The following CPB1 variants were observed in gnomAD, a reference collection of about 807,000 sequenced individuals.
CPB1 encodes the protein carboxypeptidase B.
In CPB1, 53 loss-of-function variants were observed where a neutral mutation model predicts 51.4. That is an observed-to-expected ratio of 1.03 (90% CI 0.83 to 1.30). CPB1 has a LOEUF of 1.30. Ranked by LOEUF, CPB1 falls within the 50% of genes most tolerant of loss-of-function variation. The probability of loss-of-function intolerance (pLI) is 0.00; values close to 1 mark genes in which losing one functional copy is unlikely to be tolerated. For missense variants in CPB1, 494 were observed against 516.2 expected, an observed-to-expected ratio of 0.96 and a Z score of 0.42; for synonymous variants, 189 against 186.9, an observed-to-expected ratio of 1.01 and a Z score of -0.09.
intron 9 of CPB1, chr3:148,855,445 G>A (rs1559962226): frequency 6.6e-6 from 1 of 152,156 alleles, no homozygotes; most frequent in Non-Finnish European, 1.5e-5. Context: ...TTGAGGAAAG[G>A]ACAACTAAAC....
intron 3 of CPB1, chr3:148,838,529 T>C (rs1712978351): frequency 6.6e-6 from 1 of 152,216 alleles, no homozygotes; most frequent in Non-Finnish European, 1.5e-5. Context: ...TGCTTTGTTT[T>C]GGTTTGGTTA....
Position 148,859,977 on chromosome 3 carries a change from G to T in CPB1, c.1229G>T (p.Ser410Ile), listed in dbSNP as rs1184421018. The change falls in exon 11 of 11, where the codon AGC (serine) becomes ATC (isoleucine). Residue 410 changes from serine (S) to isoleucine (I), a missense_variant. Transcript: ENST00000282957. ...TTCCTGGCAATCAAGTATGTTGCCA[G>T]CTACGTCCTGGAACACCTGTACTAG... is the stretch of plus-strand genomic sequence containing the variant. ...ETFLAIKYVA[S>I]YVLEHLY The T allele has an allele frequency of 1.2e-6, 2 of 1,614,068 alleles. No homozygotes were observed. The highest frequency in any genetic ancestry group is 3.3e-5 in the Admixed American group (2 of 60,018).
Position 148,840,899 on chromosome 3 carries a change from C to T in CPB1, c.398C>T (p.Ala133Val). 1 of 1,614,124 alleles carries T rather than the reference C, an allele frequency of 6.2e-7. No homozygotes were observed. The highest frequency in any genetic ancestry group is 8.5e-7 in the Non-Finnish European group (1 of 1,180,000). ...ETIEAWTQQV[A>V]TENPALISRS... ...ATAGAGGCTTGGACTCAACAAGTCG[C>T]CACTGAGAATCCAGCCCTCATCTCT... Residue 133 changes from alanine to valine, a missense_variant, in exon 5 of 11, where the codon GCC becomes GTC. Physicochemically the swap from Ala to Val is moderately conservative, Grantham distance 64. Coordinates refer to ENST00000282957, the MANE Select transcript of CPB1 (RefSeq NM_001871.3).
At chr3:148,842,535 G>A (rs1157178606) in intron 6 of CPB1, among the ~76,000 whole-genome samples, 1 of 152,120 alleles carries the variant, frequency 6.6e-6, no homozygotes, top group Non-Finnish European at 1.5e-5. Context: ...CATAGATGAT[G>A]CAATAAATAA....
intron 2 of CPB1, among the ~76,000 whole-genome samples, chr3:148,828,288 T>A (rs1362006368): frequency 6.6e-6 from 1 of 152,214 alleles, no homozygotes; most frequent in Non-Finnish European, 1.5e-5. Context: ...CCATGGTAAC[T>A]TTTAAAAGAG....
intron 2 of CPB1, among the ~76,000 whole-genome samples, chr3:148,831,675 T>G (rs1377560558): frequency 6.6e-6 from 1 of 152,188 alleles, no homozygotes; most frequent in Non-Finnish European, 1.5e-5. Flanking sequence ...TAAAGATATC[T>G]CTTGATCATC....
At chr3:148,855,029 A>T (rs1263336381) in intron 9 of CPB1, 1 of 152,314 alleles carries the variant, frequency 6.6e-6, no homozygotes, top group African/African-American at 2.4e-5. Flanking sequence ...TGTACAGGGA[A>T]GTAATTCAGG....
intron 3 of CPB1, among the ~76,000 whole-genome samples, chr3:148,839,286 C>T (rs1713004001): frequency 1.3e-5 from 2 of 152,166 alleles, no homozygotes; most frequent in South Asian, 4.1e-4. Flanking sequence ...TCCCCTAGAG[C>T]TTCCCTGTTG....
intron 3 of CPB1, among the ~76,000 whole-genome samples, chr3:148,839,531 C>G (rs189605850): frequency 4.6e-5 from 7 of 152,228 alleles, no homozygotes; most frequent in Admixed American, 2.0e-4. Flanking sequence ...TAAATACTAC[C>G]TTAAGATAGT....
chr3:148,850,816 T>G (rs1418405473), intron 9 of CPB1: 2 of 152,228 alleles, frequency 1.3e-5, no homozygotes, highest in African/African-American at 2.4e-5. Context: ...GCCACAATTC[T>G]GCTTCCAGGC....
intron 5 of CPB1, 72 bp from the exon 6 acceptor site, chr3:148,841,751 T>A (rs752959859): frequency 3.4e-6 from 4 of 1,172,510 alleles, no homozygotes; most frequent in Admixed American, 3.6e-5. Context: ...CAAGCCCAGA[T>A]GGGTAGTGGA....
In CPB1 at chr3:148,831,218, G is replaced by A. The variant is rs575703628; in HGVS notation, c.147+3141G>A. Among the ~76,000 whole-genome samples the A allele has an allele frequency of 1.1e-4, 16 of 152,066 alleles. No homozygotes were observed. The East Asian group carries it at 3.1e-3, about 29-fold the overall frequency. ...CATAAAACCTATTCACTTTTCTCTG[G>A]ACTGTCTTGAAGTCTGTGTTTCTCA... On this transcript the variant is annotated intron_variant, in intron 2 of 10. Transcript: ENST00000282957.
intron 2 of CPB1, among the ~76,000 whole-genome samples, chr3:148,829,912 ACT>A (rs1712683664): frequency 6.6e-6 from 1 of 152,038 alleles, no homozygotes; most frequent in African/African-American, 2.4e-5. Flanking sequence ...CCTAGGGGTA[ACT>A]CTGCCTGGTG....
chr3:148,843,531 A>G (rs1275660642), intron 6 of CPB1, among the ~76,000 whole-genome samples: 3 of 152,102 alleles, frequency 2.0e-5, no homozygotes, highest in Non-Finnish European at 4.4e-5. Flanking sequence ...GGATGTTAGA[A>G]TTAAATTTTA....
At chr3:148,846,797 G>GTGTGTGTGTGTGTGTATATATA (rs1364486523) in intron 9 of CPB1, among the ~76,000 whole-genome samples, 4 of 50,534 alleles carry the variant, frequency 7.9e-5, no homozygotes, top group Non-Finnish European at 1.3e-4. Flanking sequence ...GTGTGCGTGT[G>GTGTGTGTGTGTGTGTATATATA]TATATATATA....
intron 9 of CPB1, chr3:148,851,829 C>A (rs903810138): frequency 6.6e-6 from 1 of 152,206 alleles, no homozygotes; most frequent in Admixed American, 6.5e-5. Flanking sequence ...AATGAGGTAA[C>A]CAGGTTGTGT....
intron 9 of CPB1, among the ~76,000 whole-genome samples, chr3:148,853,059 CAGGACAGA>C (rs1713477419): frequency 6.6e-6 from 1 of 152,132 alleles, no homozygotes; most frequent in African/African-American, 2.4e-5. Flanking sequence ...CCCATTATCG[CAGGACAGA>C]AGGAAGGAAA....
intron 2 of CPB1, among the ~76,000 whole-genome samples, chr3:148,833,703 A>T (rs571350040): frequency 6.6e-6 from 1 of 151,806 alleles, no homozygotes; most frequent in South Asian, 2.1e-4. Context: ...ATATTTTTCC[A>T]CTGAAAGGTG....
At position 148,840,874 on chromosome 3, in the gene CPB1, A is replaced by T. The variant is rs1416277831; in HGVS notation, c.373A>T (p.Ile125Leu). The change falls in exon 5 of 11, where the codon ATA becomes TTA. Residue 125 changes from isoleucine (I) to leucine (L), a missense_variant and splice_region_variant. Transcript: ENST00000282957. ...SYEKYNKWET[I>L]EAWTQQVATE... ...ATCTACAAATGATTCCATTTGGTAG[A>T]TAGAGGCTTGGACTCAACAAGTCGC... 1 of 1,614,166 alleles carries T rather than the reference A, an allele frequency of 6.2e-7. No individual in the cohort carries two copies. The highest frequency in any genetic ancestry group is 1.1e-5 in the South Asian group (1 of 91,080).
Sources: gnomAD v4.1 joint callset for allele counts (sites outside exome capture counted in the v4.1 genomes callset) on GRCh38, gnomAD v4.1.1 for gene constraint, MANE v1.5 for transcripts, NCBI Gene and HGNC (gene_info 2026-07-23, HGNC 2026-07-21) for gene names.